The following COL5A1 variants were observed in gnomAD, a reference collection of about 807,000 sequenced individuals.
The protein encoded by COL5A1 is collagen alpha-1(V) chain.
A neutral mutation model predicts 263.7 loss-of-function variants in COL5A1; 16 were observed. The ratio of observed to expected loss-of-function variants is 0.06; its 90% CI spans 0.04 to 0.09. COL5A1 has a LOEUF of 0.09. Ranked by LOEUF, COL5A1 falls within the 10% of genes least tolerant of loss-of-function variation. The pLI, the probability that COL5A1 is intolerant of heterozygous loss-of-function variation, is 1.00. For missense variants in COL5A1, 2,036 were observed against 2,540.5 expected, an observed-to-expected ratio of 0.80 and a Z score of 4.27; for synonymous variants, 1,012 against 1,004.5, an observed-to-expected ratio of 1.01 and a Z score of -0.14.
intron 1 of COL5A1, among the ~76,000 whole-genome samples, chr9:134,654,697 A>T (rs1306245976): frequency 4.9e-5 from 5 of 102,112 alleles, no homozygotes; most frequent in African/African-American, 1.6e-4. Context: ...TGGTGTGTGT[A>T]GGGCTGTAGG....
intron 6 of COL5A1, among the ~76,000 whole-genome samples, chr9:134,729,571 A>AGT: frequency 2.4e-5 from 1 of 41,194 alleles, no homozygotes; most frequent in East Asian, 1.2e-3. Flanking sequence ...TGTGTGTGTG[A>AGT]GCGTGTGTGA....
chr9:134,678,778 C>T lies in COL5A1; in HGVS notation c.110-12134C>T, dbSNP rs922920565. On this transcript the variant is annotated intron_variant, in intron 1 of 65. Coordinates refer to ENST00000371817, the MANE Select transcript of COL5A1 (RefSeq NM_000093.5). The surrounding 1 kb of genome is among the most constrained non-coding windows in gnomAD (Gnocchi z 5.5). ...TCGCTGGAGGAACGGGTGGGCCGGG[C>T]CCTGGGTGAAGGGGCTGGAGCTAAA... is the stretch of plus-strand genomic sequence containing the variant. Among the ~76,000 whole-genome samples, 7 of 152,156 alleles carry T rather than the reference C, an allele frequency of 4.6e-5. No homozygotes were observed. Among genetic ancestry groups the T allele is most frequent in the Admixed American group, 1.3e-4 (2 of 15,272 alleles).
Position 134,789,073 on chromosome 9 carries a change from G to T in COL5A1, c.2647-82G>T. 8.1e-7 allele frequency: 1 copy of T among 1,236,326 alleles called. No homozygotes were observed. Among genetic ancestry groups the T allele is most frequent in the Admixed American group, 1.8e-5 (1 of 55,860 alleles). 76.6% of individuals were successfully genotyped at this position (1,236,326 alleles called of 1,614,324 possible). A position where few individuals can be genotyped will look rare whatever the true frequency, so the allele number is the denominator to read the frequency against. On this transcript the variant is annotated intron_variant, in intron 31 of 65. Coordinates refer to ENST00000371817, the MANE Select transcript of COL5A1 (RefSeq NM_000093.5). The surrounding 1 kb of genome is among the most constrained non-coding windows in gnomAD (Gnocchi z 4.8). Reference sequence around the variant, plus strand: ...TGGGGCAGAGGCTGTGCACTGGCATGCAGGTGGTCCCCCAGGCGGCCCATG... The same window carrying T: ...TGGGGCAGAGGCTGTGCACTGGCATTCAGGTGGTCCCCCAGGCGGCCCATG...
chr9:134,715,748 C>T (rs570327341), intron 4 of COL5A1, among the ~76,000 whole-genome samples: 3 of 152,344 alleles, frequency 2.0e-5, no homozygotes, highest in African/African-American at 4.8e-5. Flanking sequence ...CATGTCTCTG[C>T]GACCACAGGG....
chr9:134,773,467 C>T (rs1272711782), intron 26 of COL5A1, among the ~76,000 whole-genome samples: 2 of 152,176 alleles, frequency 1.3e-5, no homozygotes, highest in Admixed American at 6.5e-5. Context: ...CGCCAACCTT[C>T]GTTCACCCCA....
chr9:134,738,796 C>A lies in COL5A1; in HGVS notation c.1482C>A (p.Asp494Glu). The A allele has an allele frequency of 6.2e-7, 1 of 1,613,588 alleles. No homozygotes were observed. The highest frequency in any genetic ancestry group is 8.5e-7 in the Non-Finnish European group (1 of 1,179,550). ...TGGGTCCCACTGGCCAAGTCGGGGA[C>A]CCTGGAGAAAGGGTAAGAGGTTGAC... The part of the protein sequence containing the change: ...GTMGPTGQVG[D>E]PGERGPPGRP... The change falls in exon 11 of 66, where the codon GAC (aspartate) becomes GAA (glutamate). Residue 494 changes from aspartate (D) to glutamate (E), a missense_variant. Physicochemically the swap from Asp to Glu is conservative, Grantham distance 45. Transcript: ENST00000371817.
At position 134,762,099 on chromosome 9, in the gene COL5A1, C is replaced by T. The variant is rs1254437633; in HGVS notation, c.1989+121C>T. The stretch of plus-strand genomic sequence containing the variant: ...TGGCCTGCCGCATGTGGAGGGCCAG[C>T]TGGGAGAAGGCAGATGGGGATTCCA... On this transcript the variant is annotated intron_variant, in intron 19 of 65. Coordinates refer to ENST00000371817, the MANE Select transcript of COL5A1 (RefSeq NM_000093.5). 4.0e-6 allele frequency: 4 copies of T among 989,928 alleles called. No individual in the cohort carries two copies. In the Admixed American group the frequency reaches 5.7e-5, roughly 14 times the overall value. 61.3% of individuals were successfully genotyped at this position (989,928 alleles called of 1,614,324 possible).
chr9:134,681,883 T>A lies in COL5A1; in HGVS notation c.110-9029T>A, dbSNP rs1363524505. On this transcript the variant is annotated intron_variant, in intron 1 of 65. Coordinates refer to ENST00000371817, the MANE Select transcript of COL5A1 (RefSeq NM_000093.5). The surrounding 1 kb of genome is among the most constrained non-coding windows in gnomAD (Gnocchi z 4.3). ...CCTCTCTTCCTCGCTCTTCCTCTCT[T>A]TCTCTCTCTGTCTCTCCCTCTCTCT... Among the ~76,000 whole-genome samples, 1 of 151,872 alleles carries A rather than the reference T, an allele frequency of 6.6e-6. No individual in the cohort carries two copies. The highest frequency in any genetic ancestry group is 1.9e-4 in the East Asian group (1 of 5,182).
intron 31 of COL5A1, among the ~76,000 whole-genome samples, chr9:134,786,860 G>A (rs1454162504): frequency 6.6e-6 from 1 of 152,162 alleles, no homozygotes; most frequent in Non-Finnish European, 1.5e-5. Context: ...CACCTTTTCG[G>A]TCTCACTGGA....
In COL5A1 at chr9:134,652,549, G is replaced by C. The variant is rs1831728968; in HGVS notation, c.109+10253G>C. On this transcript the variant is annotated intron_variant, in intron 1 of 65. Coordinates refer to ENST00000371817, the MANE Select transcript of COL5A1 (RefSeq NM_000093.5). This position sits in a 1 kb window ranked among gnomAD's most constrained non-coding sequence, Gnocchi z 4.4. Reference sequence around the variant, plus strand: ...GATGTTTTCTGATTGTCGCACCTGGGGTGGGGGCAGGGCTATCGGCCTGTA... The same window carrying C: ...GATGTTTTCTGATTGTCGCACCTGGCGTGGGGGCAGGGCTATCGGCCTGTA... Among the ~76,000 whole-genome samples, 1 of 152,176 alleles carries C rather than the reference G, an allele frequency of 6.6e-6. No homozygotes were observed.
chr9:134,767,236 G>C, intron 23 of COL5A1, 74 bp from the exon 24 acceptor site: 6 of 1,523,668 alleles, frequency 3.9e-6, no homozygotes, highest in Non-Finnish European at 5.5e-6. Flanking sequence ...ATGAGAAGAT[G>C]GACAGATGGC....
At position 134,754,225 on chromosome 9, in the gene COL5A1, T is replaced by G; in HGVS notation, c.1774-48T>G. On this transcript the variant is annotated intron_variant, in intron 15 of 65. Coordinates refer to ENST00000371817, the MANE Select transcript of COL5A1 (RefSeq NM_000093.5). This position sits in a 1 kb window ranked among gnomAD's most constrained non-coding sequence, Gnocchi z 4.3. ...AGGGACAAGGCTTTGCTCTTTCTCCTGAGAAAGGCGGACTCGCCACTGACC... is the reference window on the plus strand; with the variant it reads ...AGGGACAAGGCTTTGCTCTTTCTCCGGAGAAAGGCGGACTCGCCACTGACC... The G allele has an allele frequency of 6.3e-7, 1 of 1,592,288 alleles. No individual in the cohort carries two copies. Among genetic ancestry groups the G allele is most frequent in the Non-Finnish European group, 8.6e-7 (1 of 1,163,120 alleles).
intron 23 of COL5A1, 118 bp downstream of exon 23, chr9:134,767,171 C>G (rs1836705176): frequency 1.4e-6 from 2 of 1,407,954 alleles, no homozygotes; most frequent in South Asian, 1.2e-5. Flanking sequence ...CAGCCCCTCC[C>G]CTTATCTGGA....
intron 59 of COL5A1, among the ~76,000 whole-genome samples, chr9:134,822,531 G>A (rs1406996075): frequency 1.3e-5 from 2 of 152,150 alleles, no homozygotes; most frequent in East Asian, 1.9e-4. Flanking sequence ...CTCTGGCACC[G>A]CTGCCTGGGT....
chr9:134,666,672 G>T (rs1306870365), intron 1 of COL5A1, among the ~76,000 whole-genome samples: 3 of 152,138 alleles, frequency 2.0e-5, no homozygotes, highest in Non-Finnish European at 2.9e-5. Context: ...TCTACCAGGG[G>T]GCTCCCTCAC....
At chr9:134,727,105 G>T (rs1564414175) in intron 4 of COL5A1, among the ~76,000 whole-genome samples, 161 bp from the exon 5 acceptor site, 1 of 151,188 alleles carries the variant, frequency 6.6e-6, no homozygotes, top group Non-Finnish European at 1.5e-5. Context: ...AGTGTCTTTT[G>T]TGAGTGGCAG....
Position 134,678,414 on chromosome 9 carries a change from G to A in COL5A1, c.110-12498G>A, listed in dbSNP as rs1014183022. Reference sequence around the variant, plus strand: ...GTGCATGGATGGTGCCCAGGGTCCAGTCCCCCAACAACAGGCTCATTGCAG... The same window carrying A: ...GTGCATGGATGGTGCCCAGGGTCCAATCCCCCAACAACAGGCTCATTGCAG... On this transcript the variant is annotated intron_variant, in intron 1 of 65. Transcript: ENST00000371817. The surrounding 1 kb of genome is among the most constrained non-coding windows in gnomAD (Gnocchi z 5.5). 3.9e-5 allele frequency among the ~76,000 whole-genome samples: 6 copies of A among 152,214 alleles called. No individual in the cohort carries two copies. Among genetic ancestry groups the A allele is most frequent in the African/African-American group, 1.4e-4 (6 of 41,452 alleles).
intron 9 of COL5A1, among the ~76,000 whole-genome samples, chr9:134,734,989 T>A (rs1232493262): frequency 1.3e-5 from 2 of 152,200 alleles, no homozygotes; most frequent in East Asian, 3.9e-4. Context: ...GGCAGGCAGA[T>A]CACCTGAAGT....
chr9:134,731,476 G>C lies in COL5A1; in HGVS notation c.1165-20G>C. Reference sequence around the variant, plus strand: ...TGGTGCGTTTGCGAGGCAACCCTGCGCCTTCCTCTCCCTCTGCAGCCAGCT... The same window carrying C: ...TGGTGCGTTTGCGAGGCAACCCTGCCCCTTCCTCTCCCTCTGCAGCCAGCT... On this transcript the variant is annotated intron_variant, in intron 7 of 65. Transcript: ENST00000371817. 2 of 1,613,682 alleles carry C rather than the reference G, an allele frequency of 1.2e-6. No individual in the cohort carries two copies. Among genetic ancestry groups the C allele is most frequent in the Non-Finnish European group, 1.7e-6 (2 of 1,179,908 alleles).
Sources: allele counts gnomAD v4.1 joint callset (sites outside exome capture counted in the v4.1 genomes callset), GRCh38; gene constraint gnomAD v4.1.1; non-coding constraint Gnocchi (gnomAD v3.1); transcripts MANE v1.5; gene names NCBI Gene and HGNC (gene_info 2026-07-23, HGNC 2026-07-21).